STX8: variants seen among roughly 807,000 people sequenced by gnomAD.
STX8 encodes the protein syntaxin 8.
Under a neutral mutation model 37.5 loss-of-function variants are expected in STX8, and 23 were observed. That is an observed-to-expected ratio of 0.61 (90% CI 0.44 to 0.87). The LOEUF is 0.87. Among genes scored for constraint, STX8 ranks in the 40% least tolerant of loss-of-function variants. STX8 has a pLI of 0.00. For missense variants in STX8, 313 were observed against 284.7 expected (o/e 1.10, Z -0.71); for synonymous variants, 115 against 99.1 (o/e 1.16, Z -0.95).
intron 6 of STX8, among the ~76,000 whole-genome samples, chr17:9,380,267 T>G (rs1911749924): frequency 6.8e-6 from 1 of 147,750 alleles, no homozygotes; most frequent in Admixed American, 6.7e-5. Flanking sequence ...TTTTTTTTTT[T>G]TTTTTTTTTG....
chr17:9,404,487 G>C (rs141654188), intron 6 of STX8, among the ~76,000 whole-genome samples: 1 of 151,210 alleles, frequency 6.6e-6, no homozygotes, highest in African/African-American at 2.4e-5. Context: ...ATGGAGTCTC[G>C]CTCTGTCACC....
At chr17:9,275,554 C>T (rs1263708187) in intron 7 of STX8, among the ~76,000 whole-genome samples, 2 of 152,144 alleles carry the variant, frequency 1.3e-5, no homozygotes, top group Non-Finnish European at 2.9e-5. Context: ...GCCATTTAAC[C>T]CATCTGGACC....
intron 7 of STX8, among the ~76,000 whole-genome samples, chr17:9,357,620 C>T (rs1452847704): frequency 6.6e-6 from 1 of 151,902 alleles, no homozygotes; most frequent in Non-Finnish European, 1.5e-5. Context: ...CTCTTGTGCC[C>T]AGGAGGTTGA....
chr17:9,430,095 AATAT>A (rs571164035), intron 6 of STX8, among the ~76,000 whole-genome samples: 3 of 56,544 alleles, frequency 5.3e-5, no homozygotes, highest in South Asian at 1.0e-3. Flanking sequence ...TATTCTATAT[AATAT>A]ATATATTTTA....
intron 2 of STX8, among the ~76,000 whole-genome samples, chr17:9,564,918 C>T (rs1250638539): frequency 6.6e-6 from 1 of 152,164 alleles, no homozygotes; most frequent in African/African-American, 2.4e-5. Context: ...GCAAAAAGAA[C>T]AAAGCTGGGC....
At chr17:9,392,717 T>A (rs1456075377) in intron 6 of STX8, among the ~76,000 whole-genome samples, 1 of 152,144 alleles carries the variant, frequency 6.6e-6, no homozygotes, top group South Asian at 2.1e-4. Context: ...CAAATGCAAC[T>A]TTTGAAACTG....
chr17:9,559,662 T>A, intron 2 of STX8, among the ~76,000 whole-genome samples: 1 of 147,898 alleles, frequency 6.8e-6, no homozygotes. Context: ...AAGATGAGAT[T>A]ATTATTATTT....
intron 6 of STX8, among the ~76,000 whole-genome samples, chr17:9,467,905 T>C (rs1025675532): frequency 1.3e-5 from 2 of 152,176 alleles, no homozygotes; most frequent in Admixed American, 6.5e-5. Context: ...GTGGGAGCTA[T>C]AGGACAGATT....
chr17:9,478,650 G>C (rs1906193598), intron 6 of STX8, among the ~76,000 whole-genome samples: 5 of 152,314 alleles, frequency 3.3e-5, no homozygotes, highest in African/African-American at 1.2e-4. Flanking sequence ...TTCACACTGT[G>C]AAGCCCTCTG....
chr17:9,268,111 T>C (rs998968689), intron 7 of STX8, among the ~76,000 whole-genome samples: 1 of 151,900 alleles, frequency 6.6e-6, no homozygotes. Context: ...TGCTCTCCTC[T>C]CTAGGCCTTG....
intron 7 of STX8, among the ~76,000 whole-genome samples, chr17:9,289,623 A>C (rs1005417139): frequency 2.6e-4 from 39 of 151,554 alleles, no homozygotes; most frequent in East Asian, 1.9e-4. Flanking sequence ...AAAAAAAAAA[A>C]CAAAAAATCA....
intron 7 of STX8, among the ~76,000 whole-genome samples, chr17:9,320,604 T>C (rs1487134551): frequency 6.6e-6 from 1 of 150,710 alleles, no homozygotes; most frequent in Non-Finnish European, 1.5e-5. Context: ...ATAGAAATCT[T>C]CCTTGTGGCC....
chr17:9,545,582 C>T (rs1196824987), intron 3 of STX8, among the ~76,000 whole-genome samples: 1 of 151,996 alleles, frequency 6.6e-6, no homozygotes, highest in African/African-American at 2.4e-5. Context: ...CGTGACCAAA[C>T]TTATTTACTT....
intron 7 of STX8, among the ~76,000 whole-genome samples, chr17:9,301,154 T>C (rs1023804337): frequency 6.6e-6 from 1 of 152,204 alleles, no homozygotes; most frequent in Non-Finnish European, 1.5e-5. Context: ...CTTGATCTGA[T>C]CCTCTAGTTT....
intron 7 of STX8, among the ~76,000 whole-genome samples, chr17:9,319,978 A>C (rs1469755839): frequency 2.0e-5 from 3 of 151,846 alleles, no homozygotes; most frequent in African/African-American, 4.8e-5. Flanking sequence ...AAATAAAATA[A>C]AATAAAAGCA....
chr17:9,448,372 C>T (rs925546689), intron 6 of STX8, among the ~76,000 whole-genome samples: 3 of 152,152 alleles, frequency 2.0e-5, no homozygotes, highest in African/African-American at 7.2e-5. Flanking sequence ...AAGGCAACGC[C>T]CTGCCTTCTC....
At chr17:9,269,297 G>A (rs1907363572) in intron 7 of STX8, among the ~76,000 whole-genome samples, 1 of 152,146 alleles carries the variant, frequency 6.6e-6, no homozygotes, top group African/African-American at 2.4e-5. Flanking sequence ...AAGGTGATTG[G>A]GGTACACGTC....
chr17:9,300,351 A>AAG (rs1908727965), intron 7 of STX8, among the ~76,000 whole-genome samples: 1 of 150,224 alleles, frequency 6.7e-6, no homozygotes, highest in Non-Finnish European at 1.5e-5. Flanking sequence ...AAAAAAAAGA[A>AAG]AGAAAGAAAG....
chr17:9,460,891 G>GAAT (rs1211560833), intron 6 of STX8, among the ~76,000 whole-genome samples: 2 of 151,078 alleles, frequency 1.3e-5, no homozygotes, highest in African/African-American at 4.9e-5. Flanking sequence ...TGTTACATGG[G>GAAT]AATAATAATA....
Sources: gnomAD v4.1 joint callset for allele counts (sites outside exome capture counted in the v4.1 genomes callset) on GRCh38, gnomAD v4.1.1 for gene constraint, MANE v1.5 for transcripts, NCBI Gene and HGNC (gene_info 2026-07-23, HGNC 2026-07-21) for gene names.